LAMA3: variants seen among roughly 807,000 people sequenced by gnomAD.
LAMA3 encodes laminin subunit alpha 3.
In LAMA3, 281 loss-of-function variants were observed where a neutral mutation model predicts 402.0. The ratio of observed to expected loss-of-function variants is 0.70; its 90% confidence interval spans 0.63 to 0.77. The LOEUF is 0.77. Among genes scored for constraint, LAMA3 ranks in the 30% least tolerant of loss-of-function variants. The pLI, the probability that LAMA3 is intolerant of heterozygous loss-of-function variation, is 0.00. For synonymous variants in LAMA3, 1,431 were observed against 1,558.4 expected, an observed-to-expected ratio of 0.92 and a Z score of 1.93; for missense variants, 3,840 against 4,215.5, an observed-to-expected ratio of 0.91 and a Z score of 2.47.
At chr18:23,859,146 C>T (rs1261739182) in intron 34 of LAMA3, among the ~76,000 whole-genome samples, 1 of 152,190 alleles carries the variant, frequency 6.6e-6, no homozygotes, top group Admixed American at 6.5e-5. Flanking sequence ...CGCTGATACA[C>T]CCCTAGTGCC....
intron 68 of LAMA3, among the ~76,000 whole-genome samples, chr18:23,941,694 T>C (rs2082526040): frequency 1.3e-5 from 2 of 152,096 alleles, no homozygotes; most frequent in Admixed American, 6.5e-5. Context: ...TACCCTCCCA[T>C]CCTCCAGCAA....
chr18:23,813,553 C>CTTTTTTTTTTTTTTTTTTTTTTTTTTTT (rs1164123647), intron 14 of LAMA3, among the ~76,000 whole-genome samples: 2 of 115,006 alleles, frequency 1.7e-5, no homozygotes, highest in East Asian at 2.8e-4. Context: ...TCTTTTCTTT[C>CTTTTTTTTTTTTTTTTTTTTTTTTTTTT]TTTTTTTTTT....
At chr18:23,811,974 A>C (rs1237050613) in intron 13 of LAMA3, among the ~76,000 whole-genome samples, 1 of 151,940 alleles carries the variant, frequency 6.6e-6, no homozygotes, top group Non-Finnish European at 1.5e-5. Flanking sequence ...CACGGGTTCA[A>C]GCGATTCTCC....
chr18:23,805,113 T>C (rs995345455), intron 12 of LAMA3, among the ~76,000 whole-genome samples: 1 of 152,222 alleles, frequency 6.6e-6, no homozygotes, highest in East Asian at 1.9e-4. Flanking sequence ...TGTTGGTTTT[T>C]ACTAAAGGTG....
intron 65 of LAMA3, 115 bp downstream of exon 65, chr18:23,931,316 A>G: frequency 1.2e-6 from 1 of 854,872 alleles, no homozygotes; most frequent in Non-Finnish European, 2.0e-6. Context: ...AAAATACTTC[A>G]CTAATAAGTC....
rs2081155250 is a variant in LAMA3, at chr18:23,903,932, G to A, written c.6319-1G>A. 2 of 1,609,486 alleles carry A rather than the reference G, an allele frequency of 1.2e-6. No individual in the cohort carries two copies. Among genetic ancestry groups the A allele is most frequent in the African/African-American group, 2.7e-5 (2 of 74,840 alleles). On this transcript the variant is annotated splice_acceptor_variant, in intron 49 of 74. Coordinates refer to ENST00000313654, the MANE Select transcript of LAMA3 (RefSeq NM_198129.4). LOFTEE classifies it high-confidence loss of function. ...TGTCTTTGTTTATTTGGAAAAAATAGGAATATGAAAAATTAGCTGCCAGTT... is the reference window on the plus strand; with the variant it reads ...TGTCTTTGTTTATTTGGAAAAAATAAGAATATGAAAAATTAGCTGCCAGTT...
At chr18:23,775,315 T>C (rs1384736458) in intron 9 of LAMA3, among the ~76,000 whole-genome samples, 1 of 152,208 alleles carries the variant, frequency 6.6e-6, no homozygotes, top group Non-Finnish European at 1.5e-5. Context: ...ATTTTTTTTA[T>C]GGGTCTTGGT....
intron 55 of LAMA3, among the ~76,000 whole-genome samples, chr18:23,910,419 A>G (rs73400357): frequency 0.015 from 2,231 of 152,280 alleles, 48 homozygotes; most frequent in African/African-American, 0.052. Context: ...GAAAAACATA[A>G]AATAAAAAGC....
At chr18:23,746,483 A>T (rs1198262964) in intron 2 of LAMA3, among the ~76,000 whole-genome samples, 1 of 152,150 alleles carries the variant, frequency 6.6e-6, no homozygotes, top group Non-Finnish European at 1.5e-5. Flanking sequence ...ATCACATCAG[A>T]GTGAATGAAG....
chr18:23,837,875 A>G (rs1430179704), intron 25 of LAMA3, among the ~76,000 whole-genome samples: 2 of 152,160 alleles, frequency 1.3e-5, no homozygotes, highest in Non-Finnish European at 2.9e-5. Flanking sequence ...TGATAGTATT[A>G]AAAACTTGGA....
chr18:23,824,894 TG>T (rs2063351460), intron 21 of LAMA3, among the ~76,000 whole-genome samples: 1 of 152,184 alleles, frequency 6.6e-6, no homozygotes, highest in Non-Finnish European at 1.5e-5. Flanking sequence ...TTCCAAAGCT[TG>T]TATGGGATTT....
chr18:23,720,418 A>G (rs967844078), intron 2 of LAMA3, among the ~76,000 whole-genome samples: 5 of 152,036 alleles, frequency 3.3e-5, no homozygotes, highest in Non-Finnish European at 7.4e-5. Flanking sequence ...GCAGTGGCGC[A>G]ATCTCGGCTG....
chr18:23,758,837 C>T (rs776775851), intron 7 of LAMA3, among the ~76,000 whole-genome samples: 8 of 152,032 alleles, frequency 5.3e-5, no homozygotes, highest in Non-Finnish European at 1.2e-4. Flanking sequence ...TTTCATAGGA[C>T]GTGATACTGG....
rs764358740 is a variant in LAMA3 at position 23,881,953 on chromosome 18, C to T, written c.5130C>T (p.Thr1710=). The T allele has an allele frequency of 8.1e-6, 13 of 1,613,592 alleles. No individual in the cohort carries two copies. Among genetic ancestry groups the T allele is most frequent in the South Asian group, 6.6e-5 (6 of 91,066 alleles). The change falls in exon 40 of 75, where the codon ACC becomes ACT. Residue 1710 remains threonine (T), a synonymous_variant. Coordinates refer to ENST00000313654, the MANE Select transcript of LAMA3 (RefSeq NM_198129.4). ...SGICVNCQHN[T]AGEHCERCQE... is the part of the protein sequence containing the mutation. ...GTCCCCAGAACTGTCAGCACAACAC[C>T]GCGGGAGAGCACTGTGAACGCTGCC...
rs886762710 is a variant in LAMA3, at chr18:23,902,333, C to CA, written c.6202-666dup. Among the ~76,000 whole-genome samples the CA allele has an allele frequency of 6.5e-4, 95 of 146,176 alleles. 1 individual carries two copies. Among genetic ancestry groups the CA allele is most frequent in the African/African-American group, 1.6e-3 (64 of 39,680 alleles). On this transcript the variant is annotated intron_variant, in intron 48 of 74. Coordinates refer to ENST00000313654, the MANE Select transcript of LAMA3 (RefSeq NM_198129.4). ...CTAGGCAACAGAATGAGACCTGTCT[C>CA]AAAAAAAAAATTAAAAACAACAAAA...
chr18:23,942,292 C>G (rs2082549629), intron 68 of LAMA3, among the ~76,000 whole-genome samples: 2 of 152,320 alleles, frequency 1.3e-5, no homozygotes, highest in South Asian at 4.1e-4. Context: ...ACAGGAATGG[C>G]TGAGGACAGC....
In LAMA3 at chr18:23,758,391, C is replaced by A. The variant is rs2143676312; in HGVS notation, c.948-5C>A. ...AACTGAGATGCACTTCGCCCACATG[C>A]CCAGGTTTCGGTGTGAATGCCAGCA... On this transcript the variant is annotated splice_polypyrimidine_tract_variant and splice_region_variant and intron_variant, in intron 6 of 74. Coordinates refer to ENST00000313654, the MANE Select transcript of LAMA3 (RefSeq NM_198129.4). 1 of 1,611,460 alleles carries A rather than the reference C, an allele frequency of 6.2e-7. No individual in the cohort carries two copies. The highest frequency in any genetic ancestry group is 2.2e-5 in the East Asian group (1 of 44,870).
At chr18:23,734,594 C>A (rs577194255) in intron 2 of LAMA3, among the ~76,000 whole-genome samples, 1 of 152,312 alleles carries the variant, frequency 6.6e-6, no homozygotes, top group Non-Finnish European at 1.5e-5. Flanking sequence ...ATGGACAGAA[C>A]TTTCCAAATA....
intron 34 of LAMA3, among the ~76,000 whole-genome samples, chr18:23,860,786 C>T (rs563045360): frequency 1.3e-5 from 2 of 149,548 alleles, no homozygotes; most frequent in African/African-American, 2.5e-5. Context: ...CTCTGCCTCC[C>T]GGGTTCAAGC....
Sources: allele counts gnomAD v4.1 joint callset (sites outside exome capture counted in the v4.1 genomes callset), GRCh38; gene constraint gnomAD v4.1.1; transcripts MANE v1.5; gene names NCBI Gene and HGNC (gene_info 2026-07-23, HGNC 2026-07-21).